The following BAZ2B variants were observed in gnomAD, a reference collection of about 807,000 sequenced individuals.
BAZ2B encodes the protein bromodomain adjacent to zinc finger domain 2B, also known as bromodomain adjacent to zinc finger domain protein 2B.
BAZ2B carries 91 observed loss-of-function variants against 246.0 expected under a neutral mutation model. That is an observed-to-expected ratio of 0.37 (90% confidence interval 0.31 to 0.44). The LOEUF is 0.44. Ranked by LOEUF, BAZ2B falls within the 20% of genes least tolerant of loss-of-function variation. The pLI, the probability that BAZ2B is intolerant of heterozygous loss-of-function variation, is 1.00. For missense variants in BAZ2B, 2,332 were observed against 2,533.7 expected (o/e 0.92, Z 1.71); for synonymous variants, 855 against 860.0 (o/e 0.99, Z 0.10).
the BAZ2B span, among the ~76,000 whole-genome samples, chr2:159,707,105 C>T: frequency 7.4e-4 from 112 of 152,020 alleles, 1 homozygote; most frequent in Middle Eastern, 3.4e-3. Context: ...TCTGGAGAAC[C>T]CTAATATATA....
chr2:159,516,761 T>C (rs185022649), intron 2 of BAZ2B: 26 of 152,420 alleles, frequency 1.7e-4, no homozygotes, highest in Admixed American at 1.6e-3. Context: ...ATCGTTCTTT[T>C]CTTAATTTTA....
chr2:159,495,434 G>A (rs1187589320), intron 2 of BAZ2B, among the ~76,000 whole-genome samples: 2 of 126,368 alleles, frequency 1.6e-5, no homozygotes, highest in African/African-American at 6.3e-5. Context: ...GCAGTGAGCC[G>A]AGATCGCGCC....
At chr2:159,522,909 T>C (rs1428117720) in intron 2 of BAZ2B, among the ~76,000 whole-genome samples, 1 of 152,108 alleles carries the variant, frequency 6.6e-6, no homozygotes, top group Non-Finnish European at 1.5e-5. Context: ...TGGAAAGTCA[T>C]CTAGCTCATT....
intron 1 of BAZ2B, among the ~76,000 whole-genome samples, chr2:159,570,572 A>G (rs1473862703): frequency 1.3e-5 from 2 of 152,180 alleles, no homozygotes; most frequent in African/African-American, 2.4e-5. Context: ...TCTTTCCTAT[A>G]TATCACCCTG....
intron 34 of BAZ2B, among the ~76,000 whole-genome samples, chr2:159,326,895 T>C (rs979426593): frequency 6.6e-6 from 1 of 152,238 alleles, no homozygotes; most frequent in African/African-American, 2.4e-5. Context: ...GAAAGATATG[T>C]AAACTTCTGG....
At chr2:159,368,790 A>G (rs1467189266) in intron 27 of BAZ2B, among the ~76,000 whole-genome samples, 1 of 149,160 alleles carries the variant, frequency 6.7e-6, no homozygotes, top group Non-Finnish European at 1.5e-5. Flanking sequence ...CAGAGAGGTT[A>G]TGTAGAAGAG....
chr2:159,620,619 G>C (rs1696393774), upstream of BAZ2B, among the ~76,000 whole-genome samples: 1 of 152,090 alleles, frequency 6.6e-6, no homozygotes, highest in South Asian at 2.1e-4. Context: ...AAAGAAGTTC[G>C]GGGTGGGAGG....
chr2:159,674,411 A>G, the BAZ2B span, among the ~76,000 whole-genome samples: 1 of 151,384 alleles, frequency 6.6e-6, no homozygotes, highest in Non-Finnish European at 1.5e-5. Flanking sequence ...GAAGAGAAGA[A>G]AAGAAAAGAA....
At chr2:159,535,053 A>G (rs537758649) in intron 2 of BAZ2B, among the ~76,000 whole-genome samples, 5 of 145,380 alleles carry the variant, frequency 3.4e-5, no homozygotes, top group East Asian at 1.9e-4. Flanking sequence ...AAAATCATAT[A>G]CCAGAGCTTA....
chr2:159,350,073 A>G lies in BAZ2B; in HGVS notation c.4498T>C (p.Tyr1500His), dbSNP rs1329411157. ...AGTGAATGTTTTCCACTGTTCTGAT[A>G]AGACAACGTGCACCCATTTGCACCA... ...NAGANGCTLS[Y>H]QNSGKHSLGS... Residue 1500 changes from tyrosine (Y) to histidine (H), a missense_variant, in exon 28 of 37, where the codon TAT becomes CAT. Coordinates refer to ENST00000392783, the MANE Select transcript of BAZ2B (RefSeq NM_013450.4). 1 of 1,614,138 alleles carries G rather than the reference A, an allele frequency of 6.2e-7. No individual in the cohort carries two copies. Among genetic ancestry groups the G allele is most frequent in the Non-Finnish European group, 8.5e-7 (1 of 1,180,014 alleles).
At chr2:159,691,498 A>G in the BAZ2B span, among the ~76,000 whole-genome samples, 1 of 152,208 alleles carries the variant, frequency 6.6e-6, no homozygotes, top group African/African-American at 2.4e-5. Flanking sequence ...ACAGTACTGT[A>G]CTGTATTTAC....
Position 159,478,566 on chromosome 2 carries a change from G to A in BAZ2B, c.145+9C>T, listed in dbSNP as rs374848474. ...GCATTCTAAAATTGAGTTAAAAAAG[G>A]GTATTCACCACATGGGTTGATTGTA... On this transcript the variant is annotated intron_variant, in intron 3 of 36. Coordinates refer to ENST00000392783, the MANE Select transcript of BAZ2B (RefSeq NM_013450.4). The A allele has an allele frequency of 5.7e-6, 9 of 1,578,946 alleles. No homozygotes were observed. The highest frequency in any genetic ancestry group is 6.9e-6 in the Non-Finnish European group (8 of 1,166,436).
At chr2:159,571,477 T>G (rs1162636665) in intron 1 of BAZ2B, among the ~76,000 whole-genome samples, 1 of 152,122 alleles carries the variant, frequency 6.6e-6, no homozygotes, top group East Asian at 1.9e-4. Flanking sequence ...ACAGATGATT[T>G]ATGGGGTGGG....
At chr2:159,387,858 C>T (rs1485382195) in intron 21 of BAZ2B, among the ~76,000 whole-genome samples, 1 of 151,888 alleles carries the variant, frequency 6.6e-6, no homozygotes, top group South Asian at 2.1e-4. Flanking sequence ...ATTTATATAC[C>T]CATTCTCTGC....
At chr2:159,501,220 ATATATT>A (rs2081772441) in intron 2 of BAZ2B, among the ~76,000 whole-genome samples, 2 of 113,980 alleles carry the variant, frequency 1.8e-5, no homozygotes, top group African/African-American at 6.6e-5. Context: ...TATATTATAT[ATATATT>A]TATATATATA....
At chr2:159,532,728 C>T (rs1201220885) in intron 2 of BAZ2B, among the ~76,000 whole-genome samples, 1 of 152,148 alleles carries the variant, frequency 6.6e-6, no homozygotes, top group African/African-American at 2.4e-5. Context: ...TCTTTTTCTG[C>T]TCTGGCACTC....
At chr2:159,553,215 T>C (rs2088556330) in intron 2 of BAZ2B, among the ~76,000 whole-genome samples, 2 of 151,488 alleles carry the variant, frequency 1.3e-5, no homozygotes, top group Non-Finnish European at 1.5e-5. Context: ...GCCAACATGA[T>C]AAAACCCTGT....
At chr2:159,542,873 C>T (rs1042290666) in intron 2 of BAZ2B, among the ~76,000 whole-genome samples, 2 of 151,970 alleles carry the variant, frequency 1.3e-5, no homozygotes, top group African/African-American at 4.8e-5. Context: ...ATATTAAAAG[C>T]ACCTAGCATC....
chr2:159,451,741 C>T (rs2075125387), intron 4 of BAZ2B, among the ~76,000 whole-genome samples: 1 of 151,990 alleles, frequency 6.6e-6, no homozygotes, highest in Non-Finnish European at 1.5e-5. Flanking sequence ...TTTATTTTGG[C>T]TGGGGGAGCT....
Sources: allele counts gnomAD v4.1 joint callset (sites outside exome capture counted in the v4.1 genomes callset), GRCh38; gene constraint gnomAD v4.1.1; transcripts MANE v1.5; gene names NCBI Gene and HGNC (gene_info 2026-07-23, HGNC 2026-07-21).